NRXN3: variants seen among roughly 807,000 people sequenced by gnomAD.
The protein encoded by NRXN3 is neurexin III.
Under a neutral mutation model 137.6 loss-of-function variants are expected in NRXN3, and 32 were observed. The observed-to-expected ratio is 0.23, with a 90% confidence interval of 0.18 to 0.31. The LOEUF (loss-of-function observed/expected upper bound fraction) is 0.31. Ranked by LOEUF, NRXN3 falls within the 10% of genes least tolerant of loss-of-function variation. NRXN3 has a pLI of 1.00. For synonymous variants in NRXN3, 798 were observed against 784.5 expected, an observed-to-expected ratio of 1.02 and a Z score of -0.29; for missense variants, 1,574 against 2,062.5, an observed-to-expected ratio of 0.76 and a Z score of 4.59.
intron 16 of NRXN3, among the ~76,000 whole-genome samples, chr14:79,648,899 A>G (rs1212307928): frequency 1.3e-5 from 2 of 152,162 alleles, no homozygotes; most frequent in African/African-American, 4.8e-5. Flanking sequence ...GAATGTGTCT[A>G]TGCTTGTAGC....
intron 15 of NRXN3, among the ~76,000 whole-genome samples, chr14:79,044,626 T>G (rs1367548844): frequency 1.3e-5 from 2 of 152,134 alleles, no homozygotes; most frequent in Non-Finnish European, 2.9e-5. Context: ...TTGTTATAAT[T>G]AAGCCAGTGT....
chr14:78,444,589 G>A (rs1442754288), intron 4 of NRXN3, among the ~76,000 whole-genome samples: 1 of 152,112 alleles, frequency 6.6e-6, no homozygotes, highest in Admixed American at 6.5e-5. Flanking sequence ...TTTCCCATAG[G>A]TCATGTTGTT....
At chr14:78,498,054 C>T (rs775901410) in intron 4 of NRXN3, among the ~76,000 whole-genome samples, 38 of 152,058 alleles carry the variant, frequency 2.5e-4, no homozygotes, top group African/African-American at 7.7e-4. Flanking sequence ...ATTATGGAGA[C>T]GGGGATATTT....
At chr14:79,632,701 T>C (rs964020050) in intron 16 of NRXN3, among the ~76,000 whole-genome samples, 1 of 151,918 alleles carries the variant, frequency 6.6e-6, no homozygotes, top group Non-Finnish European at 1.5e-5. Flanking sequence ...TTCTGTGTTC[T>C]AGTCACAATA....
At chr14:79,121,379 A>G (rs2055401457) in intron 15 of NRXN3, among the ~76,000 whole-genome samples, 1 of 152,204 alleles carries the variant, frequency 6.6e-6, no homozygotes, top group Admixed American at 6.5e-5. Flanking sequence ...GGGCTTACCA[A>G]TAAGTGAGGA....
chr14:79,408,800 C>T (rs981997589), intron 15 of NRXN3, among the ~76,000 whole-genome samples: 3 of 152,010 alleles, frequency 2.0e-5, no homozygotes, highest in South Asian at 2.1e-4. Context: ...TCCTTTGTTC[C>T]GTCTTTTGTC....
At chr14:79,669,004 G>C (rs1180258528) in intron 17 of NRXN3, 2 of 151,998 alleles carry the variant, frequency 1.3e-5, no homozygotes, top group Non-Finnish European at 2.9e-5. Flanking sequence ...TACTTGACAT[G>C]ATGCTGAAAT....
chr14:79,633,493 A>G (rs1416199260), intron 16 of NRXN3, among the ~76,000 whole-genome samples: 1 of 152,102 alleles, frequency 6.6e-6, no homozygotes, highest in Non-Finnish European at 1.5e-5. Context: ...ATGGAGTTGT[A>G]TCTCCCTCAT....
chr14:78,392,684 A>G (rs2090932604), intron 4 of NRXN3, among the ~76,000 whole-genome samples: 1 of 152,152 alleles, frequency 6.6e-6, no homozygotes, highest in Admixed American at 6.6e-5. Flanking sequence ...TACATGTAAA[A>G]TGGTCAATAA....
At chr14:79,228,361 A>AG (rs1373686267) in intron 15 of NRXN3, among the ~76,000 whole-genome samples, 2 of 151,920 alleles carry the variant, frequency 1.3e-5, no homozygotes, top group African/African-American at 4.8e-5. Flanking sequence ...AAATCTAAAA[A>AG]AAAATTAAAA....
intron 4 of NRXN3, among the ~76,000 whole-genome samples, chr14:78,397,638 C>T (rs1000918469): frequency 2.0e-5 from 3 of 151,860 alleles, no homozygotes; most frequent in Non-Finnish European, 4.4e-5. Flanking sequence ...GAGTCTAGCT[C>T]TGTCACCCAG....
At position 79,491,114 on chromosome 14, in the gene NRXN3, G is replaced by A. The variant is rs144862440; in HGVS notation, c.3444+23712G>A. Among the ~76,000 whole-genome samples, 480 of 152,182 alleles carry A rather than the reference G, an allele frequency of 3.2e-3. 8 individuals carry two copies. The highest frequency in any genetic ancestry group is 2.6e-3 in the Non-Finnish European group (179 of 68,006). On this transcript the variant is annotated intron_variant, in intron 16 of 20. Coordinates refer to ENST00000335750, the MANE Select transcript of NRXN3 (RefSeq NM_001330195.2). ...GTTCTGTTTTTTCTCTTGTAAATCC[G>A]TCAAAGATTGCAAAGGTAGGAACTA... is the stretch of plus-strand genomic sequence containing the variant.
At chr14:79,232,631 T>A (rs898851859) in intron 15 of NRXN3, among the ~76,000 whole-genome samples, 1 of 152,126 alleles carries the variant, frequency 6.6e-6, no homozygotes, top group African/African-American at 2.4e-5. Context: ...TCCTTAGATT[T>A]CAGGTACCAC....
Position 78,590,871 on chromosome 14 carries a change from C to G in NRXN3, c.758-54249C>G, listed in dbSNP as rs375663530. Among the ~76,000 whole-genome samples the G allele has an allele frequency of 1.7e-3, 264 of 152,238 alleles. 1 individual carries two copies. The highest frequency in any genetic ancestry group is 0.017 in the Middle Eastern group (5 of 294). ...CAAGAGCAGGCCACTGCACTCCAGC[C>G]AGGGAGACAGAAGGAGACTCTGTCT... On this transcript the variant is annotated intron_variant, in intron 4 of 20. Coordinates refer to ENST00000335750, the MANE Select transcript of NRXN3 (RefSeq NM_001330195.2).
intron 4 of NRXN3, among the ~76,000 whole-genome samples, chr14:78,634,897 A>G (rs1437483827): frequency 6.6e-6 from 1 of 152,158 alleles, no homozygotes. Flanking sequence ...CTCATCATTT[A>G]TATTCATTAT....
At chr14:78,276,648 G>T (rs537897687) in intron 2 of NRXN3, among the ~76,000 whole-genome samples, 11 of 152,320 alleles carry the variant, frequency 7.2e-5, no homozygotes, top group African/African-American at 2.6e-4. Context: ...CCACAGAGAG[G>T]CTGGGATTTG....
chr14:78,559,118 AT>A (rs112524271), intron 4 of NRXN3, among the ~76,000 whole-genome samples: 5,017 of 152,088 alleles, frequency 0.033, 252 homozygotes, highest in African/African-American at 0.11. Context: ...GGTTTTATTT[AT>A]TTTTCCCTTC....
At chr14:79,566,572 A>T (rs1315406922) in intron 16 of NRXN3, among the ~76,000 whole-genome samples, 2 of 152,104 alleles carry the variant, frequency 1.3e-5, no homozygotes, top group African/African-American at 4.8e-5. Flanking sequence ...GCTTCATTGC[A>T]TTACAGAGTC....
chr14:78,413,063 C>G (rs117824218), intron 4 of NRXN3, among the ~76,000 whole-genome samples: 1 of 152,250 alleles, frequency 6.6e-6, no homozygotes, highest in East Asian at 1.9e-4. Flanking sequence ...AGATGATTGT[C>G]TTGGGTCAGA....
Sources: gnomAD v4.1 joint callset for allele counts (sites outside exome capture counted in the v4.1 genomes callset) on GRCh38, gnomAD v4.1.1 for gene constraint, MANE v1.5 for transcripts, NCBI Gene and HGNC (gene_info 2026-07-23, HGNC 2026-07-21) for gene names.